DMRT1: variants seen among roughly 807,000 people sequenced by gnomAD.
DMRT1 encodes the protein doublesex and mab-3 related transcription factor 1.
Under a neutral mutation model 32.3 loss-of-function variants are expected in DMRT1, and 7 were observed. That is an observed-to-expected ratio of 0.22 (90% CI 0.12 to 0.41). The LOEUF (loss-of-function observed/expected upper bound fraction) is 0.41. Ranked by LOEUF, DMRT1 falls within the 10% of genes least tolerant of loss-of-function variation. DMRT1 has a pLI of 1.00. For synonymous variants in DMRT1, 278 were observed against 206.1 expected (o/e 1.35, Z -2.99); for missense variants, 625 against 500.5 (o/e 1.25, Z -2.37).
At chr9:924,584 A>T (rs2129819277) in intron 4 of DMRT1, among the ~76,000 whole-genome samples, 1 of 152,176 alleles carries the variant, frequency 6.6e-6, no homozygotes, top group Non-Finnish European at 1.5e-5. Context: ...AATGAAAATG[A>T]TTACTGTCAT....
At chr9:881,858 C>T (rs1178040580) in intron 2 of DMRT1, among the ~76,000 whole-genome samples, 1 of 152,238 alleles carries the variant, frequency 6.6e-6, no homozygotes, top group African/African-American at 2.4e-5. Flanking sequence ...GCACAACCTG[C>T]TCCTCCAATC....
At chr9:919,554 G>T (rs1001156593) in intron 4 of DMRT1, among the ~76,000 whole-genome samples, 3 of 152,322 alleles carry the variant, frequency 2.0e-5, no homozygotes, top group Admixed American at 2.0e-4. Flanking sequence ...AGGTCAGAGA[G>T]ATGGTGGAGT....
intron 4 of DMRT1, among the ~76,000 whole-genome samples, chr9:952,003 A>C (rs779101914): frequency 6.6e-6 from 1 of 152,186 alleles, no homozygotes; most frequent in African/African-American, 2.4e-5. Flanking sequence ...TTAAAATCAC[A>C]ACAGCCTTTA....
chr9:866,410 T>C (rs1815992019), intron 2 of DMRT1, among the ~76,000 whole-genome samples: 1 of 151,668 alleles, frequency 6.6e-6, no homozygotes, highest in Non-Finnish European at 1.5e-5. Flanking sequence ...AGAAGCAATA[T>C]GGGGAAGCTG....
intron 3 of DMRT1, among the ~76,000 whole-genome samples, chr9:908,112 A>G (rs1817843828): frequency 6.6e-6 from 1 of 152,160 alleles, no homozygotes; most frequent in Admixed American, 6.5e-5. Context: ...AATAAATACA[A>G]GTGTAATCCT....
intron 2 of DMRT1, among the ~76,000 whole-genome samples, chr9:893,446 C>G (rs10815971): frequency 0.78 from 119,441 of 152,270 alleles, 46,948 homozygotes; most frequent in African/African-American, 0.83. Flanking sequence ...CTGAAGATAC[C>G]TGATCACCTG....
At chr9:915,775 C>CA (rs1284356057) in intron 3 of DMRT1, among the ~76,000 whole-genome samples, 1 of 150,540 alleles carries the variant, frequency 6.6e-6, no homozygotes, top group East Asian at 1.9e-4. Flanking sequence ...CTCTGTCGCC[C>CA]AGGCTGGAGT....
In DMRT1 at chr9:858,871, A is replaced by G. The variant is rs957238308; in HGVS notation, c.538+11728A>G. On this transcript the variant is annotated intron_variant, in intron 2 of 4. Coordinates refer to ENST00000382276, the MANE Select transcript of DMRT1 (RefSeq NM_021951.3). ...TCTGTCTCAAAAAAAAAAAAAAAAA[A>G]TATATATATATATATATATATATTT... Among the ~76,000 whole-genome samples, 27 of 34,796 alleles carry G rather than the reference A, an allele frequency of 7.8e-4. No individual in the cohort carries two copies. In the Middle Eastern group the frequency reaches 0.054, roughly 69 times the overall value. The allele number at this position is 34,796 out of a possible 152,430, so 22.8% of individuals were successfully genotyped here. A position where few individuals can be genotyped will look rare whatever the true frequency, so the allele number is the denominator to read the frequency against.
chr9:887,539 G>A (rs915198909), intron 2 of DMRT1, among the ~76,000 whole-genome samples: 35 of 152,298 alleles, frequency 2.3e-4, no homozygotes, highest in Middle Eastern at 6.8e-3. Context: ...ATTTGCAGTT[G>A]TCACTTGTGA....
At chr9:949,841 A>C (rs188968513) in intron 4 of DMRT1, among the ~76,000 whole-genome samples, 6 of 152,266 alleles carry the variant, frequency 3.9e-5, no homozygotes, top group Non-Finnish European at 8.8e-5. Context: ...GGCTTATTTC[A>C]CTTAGCACAG....
intron 4 of DMRT1, among the ~76,000 whole-genome samples, chr9:943,175 G>A (rs1215685284): frequency 2.6e-5 from 4 of 152,166 alleles, no homozygotes; most frequent in Non-Finnish European, 5.9e-5. Context: ...AATTGTGAAG[G>A]CAACAGGTGT....
intron 4 of DMRT1, among the ~76,000 whole-genome samples, chr9:921,075 C>T (rs1487240536): frequency 1.3e-5 from 2 of 152,102 alleles, no homozygotes; most frequent in African/African-American, 2.4e-5. Context: ...AATTCAGTGG[C>T]ATTTGGTACA....
intron 2 of DMRT1, among the ~76,000 whole-genome samples, chr9:871,860 A>G (rs1380564741): frequency 6.6e-6 from 1 of 151,210 alleles, no homozygotes; most frequent in Non-Finnish European, 1.5e-5. Flanking sequence ...TCTGTGACCT[A>G]AAAAGTATTA....
rs572839912 is a variant in DMRT1, at chr9:871,542, C to T, written c.539-22370C>T. 1.5e-3 allele frequency among the ~76,000 whole-genome samples: 212 copies of T among 141,370 alleles called. 2 individuals carry two copies. The South Asian group carries it at 0.018, about 12-fold the overall frequency. 92.7% of individuals were successfully genotyped at this position (141,370 alleles called of 152,430 possible). A position where few individuals can be genotyped will look rare whatever the true frequency, so the allele number is the denominator to read the frequency against. On this transcript the variant is annotated intron_variant, in intron 2 of 4. Coordinates refer to ENST00000382276, the MANE Select transcript of DMRT1 (RefSeq NM_021951.3). The stretch of plus-strand genomic sequence containing the variant: ...TTTTTTGGTAGAGACGGGGTTTCAC[C>T]GTGTTAGCCAGGATGGTCTCGATCT...
At chr9:891,466 CA>C (rs1219359799) in intron 2 of DMRT1, among the ~76,000 whole-genome samples, 2 of 148,432 alleles carry the variant, frequency 1.3e-5, no homozygotes, top group African/African-American at 4.9e-5. Flanking sequence ...AGTAAATAAA[CA>C]AAATAAAAGT....
rs1469491246 is a variant in DMRT1 at position 855,115 on chromosome 9, T to G, written c.538+7972T>G. Among the ~76,000 whole-genome samples the G allele has an allele frequency of 2.0e-5, 3 of 152,100 alleles. No individual in the cohort carries two copies. The East Asian group carries it at 5.8e-4, about 30-fold the overall frequency. On this transcript the variant is annotated intron_variant, in intron 2 of 4. Coordinates refer to ENST00000382276, the MANE Select transcript of DMRT1 (RefSeq NM_021951.3). ...TATTTTAGATAGTGTCTCAATTTTG[T>G]TTATCTCAGGGATAGTCTTTGCTTA... is the stretch of plus-strand genomic sequence containing the variant.
At chr9:944,711 T>C (rs1564268174) in intron 4 of DMRT1, among the ~76,000 whole-genome samples, 1 of 152,216 alleles carries the variant, frequency 6.6e-6, no homozygotes, top group Non-Finnish European at 1.5e-5. Flanking sequence ...TTCTTGCTTT[T>C]TGAAGTGCTT....
intron 2 of DMRT1, among the ~76,000 whole-genome samples, chr9:877,718 C>T (rs1398231325): frequency 6.6e-6 from 1 of 152,162 alleles, no homozygotes; most frequent in African/African-American, 2.4e-5. Context: ...AAGCACGATA[C>T]AATTAAACAG....
intron 3 of DMRT1, among the ~76,000 whole-genome samples, chr9:905,969 C>T (rs923764518): frequency 2.0e-5 from 3 of 151,908 alleles, no homozygotes; most frequent in African/African-American, 4.8e-5. Context: ...CTTTTAAAGC[C>T]GTGAAATTCT....
Sources: allele counts gnomAD v4.1 joint callset (sites outside exome capture counted in the v4.1 genomes callset), GRCh38; gene constraint gnomAD v4.1.1; transcripts MANE v1.5; gene names NCBI Gene and HGNC (gene_info 2026-07-23, HGNC 2026-07-21).